Variants in CCDC91 observed in about 807,000 individuals in gnomAD.
The protein encoded by CCDC91 is coiled-coil domain containing 91.
CCDC91 carries 48 observed loss-of-function variants against 63.2 expected under a neutral mutation model. That is an observed-to-expected ratio of 0.76 (90% CI 0.60 to 0.97). The LOEUF is 0.97. Ranked by LOEUF, CCDC91 falls within the 50% of genes least tolerant of loss-of-function variation. The probability of loss-of-function intolerance (pLI) is 0.00; values close to 1 mark genes in which losing one functional copy is unlikely to be tolerated. For missense variants in CCDC91, 500 were observed against 494.6 expected (o/e 1.01, Z -0.10); for synonymous variants, 167 against 165.8 (o/e 1.01, Z -0.06).
At chr12:28,291,794 T>C (rs1465140252) in intron 3 of CCDC91, among the ~76,000 whole-genome samples, 1 of 152,164 alleles carries the variant, frequency 6.6e-6, no homozygotes, top group Non-Finnish European at 1.5e-5. Context: ...TTTTCACCTT[T>C]CCAGTTTGCT....
intron 12 of CCDC91, among the ~76,000 whole-genome samples, chr12:28,518,070 A>T (rs1047012628): frequency 6.6e-6 from 1 of 151,850 alleles, no homozygotes; most frequent in African/African-American, 2.4e-5. Flanking sequence ...CCTTTTTGCA[A>T]TTGTGAATTG....
rs34192753 is a variant in CCDC91, at chr12:28,338,316, G to GT, written c.577-24110dup. Among the ~76,000 whole-genome samples the GT allele has an allele frequency of 2.2e-3, 302 of 139,932 alleles. 1 individual carries two copies. Among genetic ancestry groups the GT allele is most frequent in the Middle Eastern group, 0.011 (3 of 274 alleles). The allele number at this position is 139,932 out of a possible 152,430, so 91.8% of individuals were successfully genotyped here. ...TTTCCCCTAAACTCACCCCCATAGTGTTTTTTTTTTTTATTATTATACTTT... is the reference window on the plus strand; with the variant it reads ...TTTCCCCTAAACTCACCCCCATAGTGTTTTTTTTTTTTTATTATTATACTTT... On this transcript the variant is annotated intron_variant, in intron 6 of 12. Transcript: ENST00000536442.
chr12:28,515,265 G>A (rs1156779245), intron 12 of CCDC91, among the ~76,000 whole-genome samples: 2 of 151,882 alleles, frequency 1.3e-5, no homozygotes, highest in Non-Finnish European at 2.9e-5. Context: ...GACTGGAGAA[G>A]AGGACTTTTT....
intron 3 of CCDC91, among the ~76,000 whole-genome samples, chr12:28,280,768 C>T (rs1948552926): frequency 6.6e-6 from 1 of 150,400 alleles, no homozygotes; most frequent in African/African-American, 2.4e-5. Context: ...CACTTGGGGC[C>T]AGGAGCTCAA....
chr12:28,507,955 G>A (rs1303115096), intron 12 of CCDC91, among the ~76,000 whole-genome samples: 2 of 151,900 alleles, frequency 1.3e-5, no homozygotes, highest in Admixed American at 6.6e-5. Flanking sequence ...GGGGAAAGGG[G>A]ACTGATCTTT....
chr12:28,383,338 T>A (rs1336460181), intron 7 of CCDC91, among the ~76,000 whole-genome samples: 1 of 152,188 alleles, frequency 6.6e-6, no homozygotes, highest in Non-Finnish European at 1.5e-5. Context: ...TCATTGCAAT[T>A]CCAAATGCTT....
chr12:28,342,427 C>T (rs549025457), intron 6 of CCDC91, among the ~76,000 whole-genome samples: 1 of 152,084 alleles, frequency 6.6e-6, no homozygotes, highest in South Asian at 2.1e-4. Context: ...CCAGTTGTGG[C>T]ATAGTGGTGG....
At chr12:28,264,585 CTGTGTG>C (rs34854850) in intron 3 of CCDC91, among the ~76,000 whole-genome samples, 6 of 137,256 alleles carry the variant, frequency 4.4e-5, no homozygotes, top group Admixed American at 7.5e-5. Context: ...ATATGTCTGT[CTGTGTG>C]TGTGTGTGTG....
chr12:28,258,019 A>G (rs1332366448), intron 2 of CCDC91, among the ~76,000 whole-genome samples: 1 of 151,736 alleles, frequency 6.6e-6, no homozygotes, highest in African/African-American at 2.4e-5. Context: ...TAATGACCTT[A>G]ATAGGATGAA....
chr12:28,265,220 A>G (rs923902850), intron 3 of CCDC91, among the ~76,000 whole-genome samples: 4 of 152,002 alleles, frequency 2.6e-5, no homozygotes. Flanking sequence ...ATATGTTTCT[A>G]AGTTCCTTGT....
chr12:28,489,946 T>TAGA (rs1288801167), intron 12 of CCDC91, among the ~76,000 whole-genome samples: 1 of 151,940 alleles, frequency 6.6e-6, no homozygotes, highest in African/African-American at 2.4e-5. Flanking sequence ...CTTAGAAATA[T>TAGA]AGAAGTTTGA....
intron 11 of CCDC91, among the ~76,000 whole-genome samples, chr12:28,454,934 G>A (rs1341345618): frequency 3.3e-5 from 5 of 151,994 alleles, no homozygotes; most frequent in African/African-American, 4.8e-5. Context: ...TGCATGCGTC[G>A]TTGTAAATTG....
chr12:28,402,182 G>A (rs904667213), intron 8 of CCDC91, among the ~76,000 whole-genome samples: 3 of 152,096 alleles, frequency 2.0e-5, no homozygotes, highest in African/African-American at 4.8e-5. Flanking sequence ...ACCCCTAGAT[G>A]CCATGGCACA....
At chr12:28,461,202 T>A (rs1950294054) in intron 11 of CCDC91, among the ~76,000 whole-genome samples, 1 of 152,082 alleles carries the variant, frequency 6.6e-6, no homozygotes, top group South Asian at 2.1e-4. Flanking sequence ...TATCATCATA[T>A]GGTCTATGAC....
At chr12:28,399,800 C>G (rs1235607892) in intron 8 of CCDC91, among the ~76,000 whole-genome samples, 1 of 152,230 alleles carries the variant, frequency 6.6e-6, no homozygotes. Flanking sequence ...GACTCCATGT[C>G]TCACATCCAG....
chr12:28,244,781 A>G (rs985993240), intron 1 of CCDC91, among the ~76,000 whole-genome samples: 1 of 151,768 alleles, frequency 6.6e-6, no homozygotes, highest in African/African-American at 2.4e-5. Context: ...AGAGCAAGCA[A>G]TACAAGAGCA....
At chr12:28,306,483 A>T (rs76309276) in intron 4 of CCDC91, among the ~76,000 whole-genome samples, 2,894 of 152,204 alleles carry the variant, frequency 0.019, 36 homozygotes, top group Non-Finnish European at 0.029. Context: ...GAAAAAGTTA[A>T]GTCTTTTAGT....
intron 11 of CCDC91, among the ~76,000 whole-genome samples, chr12:28,456,174 G>A (rs551770305): frequency 5.3e-5 from 8 of 152,160 alleles, no homozygotes; most frequent in Admixed American, 2.6e-4. Context: ...CATTTATGGC[G>A]CCTCTGCCAT....
chr12:28,366,879 C>T (rs150642508), intron 7 of CCDC91, among the ~76,000 whole-genome samples: 8 of 152,142 alleles, frequency 5.3e-5, no homozygotes, highest in Middle Eastern at 3.4e-3. Context: ...GAACTCCCAA[C>T]CATGTCCAGA....
Sources: gnomAD v4.1 joint callset for allele counts (sites outside exome capture counted in the v4.1 genomes callset) on GRCh38, gnomAD v4.1.1 for gene constraint, MANE v1.5 for transcripts, NCBI Gene and HGNC (gene_info 2026-07-23, HGNC 2026-07-21) for gene names.